The following OPLAH variants were observed in gnomAD, a reference collection of about 807,000 sequenced individuals.
OPLAH encodes 5-oxoprolinase.
A neutral mutation model predicts 122.8 loss-of-function variants in OPLAH; 103 were observed. The observed-to-expected ratio is 0.84, with a 90% CI of 0.71 to 0.99. The LOEUF is 0.99. Among genes scored for constraint, OPLAH ranks in the 50% least tolerant of loss-of-function variants. The pLI, the probability that OPLAH is intolerant of heterozygous loss-of-function variation, is 0.00. For synonymous variants in OPLAH, 875 were observed against 796.0 expected (o/e 1.10, Z -1.67); for missense variants, 1,902 against 1,836.5 (o/e 1.04, Z -0.65).
At chr8:144,053,811 T>C in intron 19 of OPLAH, among the ~76,000 whole-genome samples, 1 of 149,818 alleles carries the variant, frequency 6.7e-6, no homozygotes, top group African/African-American at 2.5e-5. Context: ...TTTCCCTGTC[T>C]CTCCTACCCC....
chr8:144,050,990 C>T, downstream of OPLAH: 5 of 1,090,410 alleles, frequency 4.6e-6, no homozygotes, highest in Non-Finnish European at 5.6e-6. Context: ...CCGGCCTTCC[C>T]GGCAGAAGCC....
At chr8:144,056,350 G>T (rs1196537513) in intron 14 of OPLAH, 35 bp downstream of exon 14, 5 of 1,594,992 alleles carry the variant, frequency 3.1e-6, no homozygotes, top group Middle Eastern at 1.7e-4. Context: ...GTGCCCCATG[G>T]GTGCTGTCAG....
In OPLAH at chr8:144,057,648, A is replaced by AG. The variant is rs1209972422; in HGVS notation, c.1221dup (p.Cys408LeufsTer14). Reference sequence around the variant, plus strand: ...TGGTTCTCTCCCGGCCCAAAAATGCAGGGGAAGGAGGCAGGCAGCAGGCGA... The same window carrying AG: ...TGGTTCTCTCCCGGCCCAAAAATGCAGGGGGAAGGAGGCAGGCAGCAGGCGA... On this transcript the variant is annotated frameshift_variant, in exon 10 of 27. Coordinates refer to ENST00000618853, the MANE Select transcript of OPLAH (RefSeq NM_017570.5). LOFTEE classifies it high-confidence loss of function. 5 of 1,604,934 alleles carry AG rather than the reference A, an allele frequency of 3.1e-6. No homozygotes were observed. The highest frequency in any genetic ancestry group is 4.3e-6 in the Non-Finnish European group (5 of 1,175,628).
chr8:144,061,347 C>T (rs1488171789), upstream of OPLAH, among the ~76,000 whole-genome samples: 1 of 152,142 alleles, frequency 6.6e-6, no homozygotes, highest in African/African-American at 2.4e-5. Context: ...TTGAAACCCC[C>T]TCGCTACTAA....
rs782413360 is a variant in OPLAH, at chr8:144,058,087, T to G, written c.1011A>C (p.Thr337=). The part of the protein sequence containing the change: ...GEFEHVFEAS[T]AGVTLQAPQL... ...GCGGGGCCTGGAGGGTGACGCCAGC[T>G]GTGCTGGCCTCGAAGACGTGCTCGA... is the stretch of plus-strand genomic sequence containing the variant. Residue 337 remains threonine, a synonymous_variant, in exon 8 of 27, where the codon ACA becomes ACC. Coordinates refer to ENST00000618853, the MANE Select transcript of OPLAH (RefSeq NM_017570.5). The G allele has an allele frequency of 1.2e-6, 2 of 1,612,504 alleles. No homozygotes were observed. Among genetic ancestry groups the G allele is most frequent in the Non-Finnish European group, 1.7e-6 (2 of 1,179,798 alleles).
chr8:144,060,149 C>A (rs1444540930), intron 1 of OPLAH, 64 bp from the exon 2 acceptor site: 2 of 1,186,146 alleles, frequency 1.7e-6, no homozygotes, highest in African/African-American at 1.5e-5. Flanking sequence ...CCCAGCCCTG[C>A]GCATGCGGGG....
rs375100059 is a variant in OPLAH, at chr8:144,055,157, T to C, written c.2281A>G (p.Ile761Val). The change falls in exon 17 of 27, where the codon ATC becomes GTC. Residue 761 changes from isoleucine (I) to valine (V), a missense_variant. Physicochemically the swap from Ile to Val is conservative, Grantham distance 29. Around this residue, in one of 3 missense-constraint regions of OPLAH, gnomAD observed 1,726 missense variants for 1,642.1 expected, o/e 1.05. Transcript: ENST00000618853. This position sits in a 1 kb window ranked among gnomAD's most constrained non-coding sequence, Gnocchi z 6.5. ...QMGRILQRTA[I>V]STNIKERLDF... ...AGACGCTCCTTGATGTTGGTGGAGA[T>C]GGCTGTGCGCTGCAGGATGCGGCCC... 58 of 1,571,558 alleles carry C rather than the reference T, an allele frequency of 3.7e-5. No homozygotes were observed. The highest frequency in any genetic ancestry group is 4.9e-5 in the Non-Finnish European group (57 of 1,160,114).
At chr8:144,050,394 A>C, downstream of OPLAH, 1 of 985,396 alleles carries the variant, frequency 1.0e-6, no homozygotes, top group East Asian at 1.1e-4. Context: ...ACAGAGAACA[A>C]AGTGGAGAGG....
In OPLAH at chr8:144,053,141, C is replaced by G. The variant is rs1554758144; in HGVS notation, c.2872-12G>C. The G allele has an allele frequency of 7.5e-6, 12 of 1,607,370 alleles. No homozygotes were observed. The highest frequency in any genetic ancestry group is 4.5e-5 in the East Asian group (2 of 44,568). On this transcript the variant is annotated splice_polypyrimidine_tract_variant and intron_variant, in intron 20 of 26. Coordinates refer to ENST00000618853, the MANE Select transcript of OPLAH (RefSeq NM_017570.5). ...AGCTCAGCGTTTGCCTGGCAGGGAG[C>G]AGGATCAGTGGTGGCCAGGTCACCT... is the stretch of plus-strand genomic sequence containing the variant.
chr8:144,058,307 A>G lies in OPLAH; in HGVS notation c.881T>C (p.Val294Ala). 1 of 1,606,736 alleles carries G rather than the reference A, an allele frequency of 6.2e-7. No individual in the cohort carries two copies. Among genetic ancestry groups the G allele is most frequent in the Non-Finnish European group, 8.5e-7 (1 of 1,178,192 alleles). The change falls in exon 7 of 27, where the codon GTG (valine) becomes GCG (alanine). Residue 294 changes from valine to alanine, a missense_variant. This residue lies in a region of OPLAH where 1,726 missense variants were observed against 1,642.1 expected (regional missense o/e 1.05). Transcript: ENST00000618853. ...SAVLSGPAGG[V>A]VGYSATTYQQ... The stretch of plus-strand genomic sequence containing the variant: ...GTAGGTGGTGGCTGAGTAGCCCACC[A>G]CGCCGCCGGCCGGGCCCGAGAGCAC...
intron 25 of OPLAH, 33 bp from the exon 26 acceptor site, chr8:144,051,859 A>AGGGGCGGGGGTG (rs782240405): frequency 2.3e-5 from 8 of 345,342 alleles, no homozygotes; most frequent in Admixed American, 4.0e-4. Context: ...CAGAGAGACC[A>AGGGGCGGGGGTG]GGGGCGGGGG....
intron 24 of OPLAH, 39 bp downstream of exon 24, chr8:144,052,130 C>T (rs374336999): frequency 1.9e-6 from 3 of 1,550,214 alleles, no homozygotes; most frequent in Non-Finnish European, 2.6e-6. Context: ...CCCCGGCTCC[C>T]ACCCGGCCGT....
In OPLAH at chr8:144,053,005, C is replaced by A. The variant is rs782367748; in HGVS notation, c.2996G>T (p.Arg999Leu). 1.9e-6 allele frequency: 3 copies of A among 1,602,540 alleles called. No homozygotes were observed. The highest frequency in any genetic ancestry group is 1.7e-4 in the Middle Eastern group (1 of 6,030). The change falls in exon 21 of 27, where the codon CGT becomes CTT. Residue 999 changes from arginine to leucine, a missense_variant. Transcript: ENST00000618853. ...HMDDGSPIRL[R>L]VQISLSQGSA... The stretch of plus-strand genomic sequence containing the variant: ...CACCTGACTCAGGCTGATCTGCACA[C>A]GGAGGCGGATGGGGGAACCGTCGTC...
chr8:144,060,112 C>T, intron 1 of OPLAH, 27 bp from the exon 2 acceptor site: 1 of 1,480,878 alleles, frequency 6.8e-7, no homozygotes, highest in Non-Finnish European at 9.1e-7. Flanking sequence ...TCAGCCCGGG[C>T]TCACCTGCGA....
At chr8:144,059,386 G>C (rs1487120642) in intron 3 of OPLAH, among the ~76,000 whole-genome samples, 1 of 152,210 alleles carries the variant, frequency 6.6e-6, no homozygotes, top group East Asian at 1.9e-4. Context: ...CCAGCATCCA[G>C]GGTGGGCATG....
At chr8:144,051,128 G>C, downstream of OPLAH, 2 of 1,391,580 alleles carry the variant, frequency 1.4e-6, no homozygotes, top group Non-Finnish European at 1.9e-6. Context: ...TGGAGCAGGT[G>C]ACGTTCAGTA....
At position 144,058,835 on chromosome 8, in the gene OPLAH, C is replaced by T. The variant is rs368751577; in HGVS notation, c.525G>A (p.Lys175=). The change falls in exon 5 of 27, where the codon AAG becomes AAA. Residue 175 remains lysine, a synonymous_variant. Transcript: ENST00000618853. The part of the protein sequence containing the change: ...QPVDLGALRG[K]LEGLLSRGIR... ...TGCCTCGAGATAGCAGCCCCTCCAG[C>T]TTCCCACGCAGGGCCCCCAGGTCCA... 1.3e-6 allele frequency: 2 copies of T among 1,587,628 alleles called. No individual in the cohort carries two copies. The highest frequency in any genetic ancestry group is 1.3e-5 in the African/African-American group (1 of 74,176).
intron 12 of OPLAH, 62 bp from the exon 13 acceptor site, chr8:144,056,817 C>T (rs564267019): frequency 1.5e-4 from 227 of 1,537,772 alleles, no homozygotes; most frequent in Non-Finnish European, 1.9e-4. Flanking sequence ...CCCCACCCAG[C>T]GCCCGGCAAG....
In OPLAH at chr8:144,056,152, A is replaced by C. The variant is rs782436010; in HGVS notation, c.2091T>G (p.Ser697Arg). ...CTGGCCGGACTTCAGCCCACCTGTT[A>C]CTGTCGATGATGAGGCAGGGCCCAT... ...KLHGPCLIID[S>R]NSTILVEPGC... The change falls in exon 15 of 27, where the codon AGT becomes AGG. Residue 697 changes from serine to arginine, a missense_variant. Around this residue, in one of 3 missense-constraint regions of OPLAH, gnomAD observed 1,726 missense variants for 1,642.1 expected, o/e 1.05. Coordinates refer to ENST00000618853, the MANE Select transcript of OPLAH (RefSeq NM_017570.5). The C allele has an allele frequency of 3.7e-6, 6 of 1,603,550 alleles. No homozygotes were observed. In the South Asian group the frequency reaches 6.6e-5, roughly 18 times the overall value.
Sources: allele counts gnomAD v4.1 joint callset (sites outside exome capture counted in the v4.1 genomes callset), GRCh38; gene constraint gnomAD v4.1.1; regional missense constraint gnomAD v4.1.1; non-coding constraint Gnocchi (gnomAD v3.1); transcripts MANE v1.5; gene names NCBI Gene and HGNC (gene_info 2026-07-23, HGNC 2026-07-21).